Variants in KCNIP4 observed in about 807,000 individuals in gnomAD.
The protein encoded by KCNIP4 is Kv channel-interacting protein 4.
KCNIP4 carries 12 observed loss-of-function variants against 34.0 expected under a neutral mutation model. The ratio of observed to expected loss-of-function variants is 0.35; its 90% CI spans 0.23 to 0.57. The LOEUF is 0.57. Ranked by LOEUF, KCNIP4 falls within the 20% of genes least tolerant of loss-of-function variation. The probability of loss-of-function intolerance (pLI) is 0.83; values close to 1 mark genes in which losing one functional copy is unlikely to be tolerated. For synonymous variants in KCNIP4, 124 were observed against 102.2 expected, an observed-to-expected ratio of 1.21 and a Z score of -1.29; for missense variants, 238 against 311.7, an observed-to-expected ratio of 0.76 and a Z score of 1.78.
intron 1 of KCNIP4, among the ~76,000 whole-genome samples, chr4:21,379,309 A>T (rs998272282): frequency 5.9e-5 from 9 of 152,176 alleles, no homozygotes; most frequent in African/African-American, 2.2e-4. Context: ...ACCACTCTGA[A>T]TTATCCTGTC....
chr4:20,959,605 T>G (rs144933401), intron 1 of KCNIP4, among the ~76,000 whole-genome samples: 1 of 152,336 alleles, frequency 6.6e-6, no homozygotes, highest in East Asian at 1.9e-4. Context: ...ACTCACTCTC[T>G]CTCTGATGCA....
At chr4:21,467,107 CACACACACACAA>C (rs1398131801) in intron 1 of KCNIP4, among the ~76,000 whole-genome samples, 4 of 147,356 alleles carry the variant, frequency 2.7e-5, no homozygotes, top group African/African-American at 7.5e-5. Context: ...CACACACACA[CACACACACACAA>C]AACAGAACAT....
chr4:21,107,082 G>C (rs570976031), intron 1 of KCNIP4, among the ~76,000 whole-genome samples: 1 of 147,118 alleles, frequency 6.8e-6, no homozygotes, highest in Non-Finnish European at 1.5e-5. Flanking sequence ...CTGTTGATTT[G>C]GGGTGGAGAG....
intron 1 of KCNIP4, among the ~76,000 whole-genome samples, chr4:21,863,148 A>T (rs1036820148): frequency 6.6e-6 from 1 of 152,058 alleles, no homozygotes; most frequent in Non-Finnish European, 1.5e-5. Context: ...CTGTTATTCT[A>T]TGAAGTCGTT....
At chr4:21,646,838 CTTATT>C (rs1370032575) in intron 1 of KCNIP4, among the ~76,000 whole-genome samples, 1 of 152,172 alleles carries the variant, frequency 6.6e-6, no homozygotes, top group East Asian at 1.9e-4. Flanking sequence ...ACTTTACCCT[CTTATT>C]TTAATAGCAA....
intron 1 of KCNIP4, among the ~76,000 whole-genome samples, chr4:21,519,412 A>G (rs1358329325): frequency 1.3e-5 from 2 of 149,378 alleles, no homozygotes; most frequent in Admixed American, 1.3e-4. Flanking sequence ...GTGTATATGT[A>G]TGTGTATATA....
chr4:20,742,417 A>G (rs1283394634), intron 5 of KCNIP4, among the ~76,000 whole-genome samples: 2 of 152,174 alleles, frequency 1.3e-5, no homozygotes, highest in African/African-American at 4.8e-5. Context: ...TTCAACATAC[A>G]CAAATCAATA....
chr4:21,410,247 A>G (rs891818429), intron 1 of KCNIP4, among the ~76,000 whole-genome samples: 4 of 152,228 alleles, frequency 2.6e-5, no homozygotes, highest in Non-Finnish European at 5.9e-5. Flanking sequence ...AATTGTGATT[A>G]AAGTTGTAGT....
intron 1 of KCNIP4, among the ~76,000 whole-genome samples, chr4:21,173,131 G>C (rs1754135154): frequency 6.6e-6 from 1 of 152,098 alleles, no homozygotes; most frequent in Admixed American, 6.6e-5. Flanking sequence ...GATTGATGGA[G>C]GCTTAGGTCA....
At chr4:21,309,860 G>A (rs1420204802) in intron 1 of KCNIP4, among the ~76,000 whole-genome samples, 1 of 152,164 alleles carries the variant, frequency 6.6e-6, no homozygotes, top group Non-Finnish European at 1.5e-5. Context: ...TGAGATCAGG[G>A]AAAGCTGACA....
In KCNIP4 at chr4:21,534,492, G is replaced by A. The variant is rs562410472; in HGVS notation, c.61+414079C>T. ...AAGGTAAAGTGAATCTTAAGAAGTTGCTTGAGTCCATAGCTGTAGTGATAG... is the reference window on the plus strand; with the variant it reads ...AAGGTAAAGTGAATCTTAAGAAGTTACTTGAGTCCATAGCTGTAGTGATAG... On this transcript the variant is annotated intron_variant, in intron 1 of 8. Transcript: ENST00000382152. 5.0e-4 allele frequency among the ~76,000 whole-genome samples: 76 copies of A among 152,262 alleles called. 1 individual carries two copies. The highest frequency in any genetic ancestry group is 1.7e-3 in the African/African-American group (71 of 41,556).
intron 1 of KCNIP4, among the ~76,000 whole-genome samples, chr4:21,081,068 A>C (rs1368278941): frequency 6.6e-6 from 1 of 151,840 alleles, no homozygotes; most frequent in African/African-American, 2.4e-5. Flanking sequence ...ATTAGCCCAT[A>C]AACTGTCTTA....
At chr4:20,886,406 G>C (rs909843215) in intron 1 of KCNIP4, among the ~76,000 whole-genome samples, 1 of 152,212 alleles carries the variant, frequency 6.6e-6, no homozygotes, top group African/African-American at 2.4e-5. Context: ...AGGGTTAAGA[G>C]AGAATTGATG....
intron 1 of KCNIP4, among the ~76,000 whole-genome samples, chr4:21,239,600 T>C (rs1759643311): frequency 6.6e-6 from 1 of 152,198 alleles, no homozygotes; most frequent in South Asian, 2.1e-4. Flanking sequence ...AAGACATTTA[T>C]GCAGCCAACA....
At chr4:21,753,291 A>T (rs1717276917) in intron 1 of KCNIP4, among the ~76,000 whole-genome samples, 1 of 152,210 alleles carries the variant, frequency 6.6e-6, no homozygotes, top group Non-Finnish European at 1.5e-5. Context: ...ACTGCTTTGT[A>T]AATCATTCAG....
At chr4:21,610,562 G>T (rs13136780) in intron 1 of KCNIP4, among the ~76,000 whole-genome samples, 2 of 152,112 alleles carry the variant, frequency 1.3e-5, no homozygotes, top group East Asian at 1.9e-4. Flanking sequence ...TAACACAGAA[G>T]AAAAACACAA....
chr4:21,157,045 C>A (rs1753190154), intron 1 of KCNIP4, among the ~76,000 whole-genome samples: 1 of 152,096 alleles, frequency 6.6e-6, no homozygotes, highest in South Asian at 2.1e-4. Context: ...GTAATCAGAA[C>A]TGCTTGGATC....
rs1720357639 is a variant in KCNIP4 at position 21,370,877 on chromosome 4, A to ACG, written c.62-488169_62-488168insCG. 5.8e-5 allele frequency among the ~76,000 whole-genome samples: 4 copies of ACG among 69,204 alleles called. 1 individual carries two copies. The highest frequency in any genetic ancestry group is 3.5e-4 in the Admixed American group (3 of 8,582). 45.4% of individuals were successfully genotyped at this position (69,204 alleles called of 152,430 possible). ...CACACACACACACACACACACACAC[A>ACG]CACACGTGTGTGTGTGTGTGTGTGT... On this transcript the variant is annotated intron_variant, in intron 1 of 8. Coordinates refer to ENST00000382152, the MANE Select transcript of KCNIP4 (RefSeq NM_025221.6).
In KCNIP4 at chr4:21,936,908, C is replaced by T. The variant is rs888950136; in HGVS notation, c.61+11663G>A. On this transcript the variant is annotated intron_variant, in intron 1 of 8. Transcript: ENST00000382152. Reference sequence around the variant, plus strand: ...TACAATTTCTTCTCCAGGTATAACACGTTTCCCTGGTTTCACCTCTATCTC... The same window carrying T: ...TACAATTTCTTCTCCAGGTATAACATGTTTCCCTGGTTTCACCTCTATCTC... 8.5e-5 allele frequency among the ~76,000 whole-genome samples: 13 copies of T among 152,142 alleles called. No homozygotes were observed. In the East Asian group the frequency reaches 9.7e-4, roughly 11 times the overall value.
Sources: allele counts gnomAD v4.1 joint callset (sites outside exome capture counted in the v4.1 genomes callset), GRCh38; gene constraint gnomAD v4.1.1; transcripts MANE v1.5; gene names NCBI Gene and HGNC (gene_info 2026-07-23, HGNC 2026-07-21).